The following PGLYRP2 variants were observed in gnomAD, a reference collection of about 807,000 sequenced individuals.
PGLYRP2 encodes the protein N-acetylmuramoyl-L-alanine amidase.
A neutral mutation model predicts 46.2 loss-of-function variants in PGLYRP2; 38 were observed. That is an observed-to-expected ratio of 0.82 (90% CI 0.64 to 1.08). The LOEUF (loss-of-function observed/expected upper bound fraction) is 1.08. PGLYRP2 is among the 50% of genes least tolerant of loss of function. The pLI, the probability that PGLYRP2 is intolerant of heterozygous loss-of-function variation, is 0.00. For missense variants in PGLYRP2, 713 were observed against 755.9 expected (o/e 0.94, Z 0.67); for synonymous variants, 289 against 329.4 (o/e 0.88, Z 1.33).
At chr19:15,471,795 C>A (rs754926642) in intron 3 of PGLYRP2, 95 bp downstream of exon 3, 172 of 1,385,096 alleles carry the variant, frequency 1.2e-4, no homozygotes, top group Non-Finnish European at 1.5e-4. Flanking sequence ...CAGCTTTCCT[C>A]GGGTTCAAGC....
At position 15,469,254 on chromosome 19, in the gene PGLYRP2, C is replaced by A; in HGVS notation, c.1641+378G>T. 2 of 600,224 alleles carry A rather than the reference C, an allele frequency of 3.3e-6. No homozygotes were observed. The highest frequency in any genetic ancestry group is 3.0e-6 in the Non-Finnish European group (1 of 335,474). 37.2% of individuals were successfully genotyped at this position (600,224 alleles called of 1,614,324 possible). A position where few individuals can be genotyped will look rare whatever the true frequency, so the allele number is the denominator to read the frequency against. On this transcript the variant is annotated intron_variant, in intron 4 of 4. Coordinates refer to ENST00000340880, the MANE Select transcript of PGLYRP2 (RefSeq NM_052890.4). This position sits in a 1 kb window ranked among gnomAD's most constrained non-coding sequence, Gnocchi z 4.9. ...GGCGGGCCAGGATGAGGTGGTGCAG[C>A]CTGACAGGTTGTGACTTGGGTAGAG...
intron 2 of PGLYRP2, among the ~76,000 whole-genome samples, chr19:15,474,204 G>A (rs144604970): frequency 2.4e-3 from 371 of 152,234 alleles, no homozygotes; most frequent in African/African-American, 8.7e-3. Context: ...GAGCATGGTG[G>A]CAGGCACCTG....
Position 15,475,547 on chromosome 19 carries a change from C to A in PGLYRP2, c.1123G>T (p.Ala375Ser). 1 of 1,597,294 alleles carries A rather than the reference C, an allele frequency of 6.3e-7. No individual in the cohort carries two copies. Among genetic ancestry groups the A allele is most frequent in the South Asian group, 1.1e-5 (1 of 89,070 alleles). The change falls in exon 2 of 5, where the codon GCC becomes TCC. Residue 375 changes from alanine to serine, a missense_variant. Ala to Ser is a moderately conservative substitution (Grantham distance 99, BLOSUM62 1). Transcript: ENST00000340880. Reference sequence around the variant, plus strand: ...TGGGGAACTTCCTCACCCAGGAAGGCCTCAGTGAATTCCTTGGTAGCATTG... The same window carrying A: ...TGGGGAACTTCCTCACCCAGGAAGGACTCAGTGAATTCCTTGGTAGCATTG... ...AANATKEFTE[A>S]FLGCPAIHPR...
Position 15,475,081 on chromosome 19 carries a change from G to A in PGLYRP2, c.1132+457C>T, listed in dbSNP as rs1198092439. On this transcript the variant is annotated intron_variant, in intron 2 of 4. Transcript: ENST00000340880. Reference sequence around the variant, plus strand: ...AGTCAAACACAGAAAGACAAATACCGTAAGTTCTCACTTATAAATGGGAGC... The same window carrying A: ...AGTCAAACACAGAAAGACAAATACCATAAGTTCTCACTTATAAATGGGAGC... 6.6e-5 allele frequency among the ~76,000 whole-genome samples: 10 copies of A among 152,220 alleles called. No individual in the cohort carries two copies. In the South Asian group the frequency reaches 1.2e-3, roughly 19 times the overall value.
At position 15,476,487 on chromosome 19, in the gene PGLYRP2, G is replaced by A. The variant is rs1970798634; in HGVS notation, c.183C>T (p.Gly61=). 4 of 1,614,070 alleles carry A rather than the reference G, an allele frequency of 2.5e-6. No individual in the cohort carries two copies. The African/African-American group carries it at 4.0e-5, about 16-fold the overall frequency. The change falls in exon 2 of 5, where the codon GGC becomes GGT. Residue 61 remains glycine, a synonymous_variant. Coordinates refer to ENST00000340880, the MANE Select transcript of PGLYRP2 (RefSeq NM_052890.4). ...SAWLMSAPNS[G]PHNRLYHFLL... ...GGAAGTGGTAGAGGCGATTGTGGGG[G>A]CCAGAGTTTGGAGCTGACATCAGCC...
At chr19:15,473,470 C>CAAAAAAAA (rs56053684) in intron 2 of PGLYRP2, among the ~76,000 whole-genome samples, 5 of 36,478 alleles carry the variant, frequency 1.4e-4, no homozygotes, top group East Asian at 2.4e-3. Flanking sequence ...AACTCTGTCT[C>CAAAAAAAA]AAAAAAAAAA....
Position 15,476,268 on chromosome 19 carries a change from C to T in PGLYRP2, c.402G>A (p.Gly134=), listed in dbSNP as rs1970794997. 1.9e-6 allele frequency: 3 copies of T among 1,614,202 alleles called. No individual in the cohort carries two copies. The East Asian group carries it at 6.7e-5, about 36-fold the overall frequency. ...LLAGLEAGLQ[G]RRVINLPLDS... ...CCAAGGGCAAATTTATGACCCTGCG[C>T]CCTTGCAGCCCTGCCTCCAGCCCCG... is the stretch of plus-strand genomic sequence containing the variant. The change falls in exon 2 of 5, where the codon GGG becomes GGA. Residue 134 remains glycine (G), a synonymous_variant. Transcript: ENST00000340880.
At chr19:15,470,647 T>C (rs1327775589) in intron 3 of PGLYRP2, among the ~76,000 whole-genome samples, 3 of 147,386 alleles carry the variant, frequency 2.0e-5, no homozygotes, top group African/African-American at 7.5e-5. Flanking sequence ...TTCCCTTCCC[T>C]TCCCTTCCCT....
rs1970790003 is a variant in PGLYRP2, at chr19:15,475,873, G to C, written c.797C>G (p.Ser266Cys). Residue 266 changes from serine (S) to cysteine (C), a missense_variant, in exon 2 of 5, where the codon TCT (serine) becomes TGT (cysteine). Coordinates refer to ENST00000340880, the MANE Select transcript of PGLYRP2 (RefSeq NM_052890.4). ...RTFTLLDPKA[S>C]LLTMAFLNGA... is the part of the protein sequence containing the mutation. The stretch of plus-strand genomic sequence containing the variant: ...ATTGAGGAAGGCCATGGTTAACAGA[G>C]ATGCCTTGGGGTCCAAAAGCGTAAA... The C allele has an allele frequency of 6.2e-7, 1 of 1,614,128 alleles. No homozygotes were observed. The highest frequency in any genetic ancestry group is 8.5e-7 in the Non-Finnish European group (1 of 1,180,030).
intron 2 of PGLYRP2, among the ~76,000 whole-genome samples, chr19:15,474,978 C>T (rs1456703902): frequency 1.7e-5 from 2 of 116,408 alleles, no homozygotes; most frequent in Admixed American, 1.7e-4. Flanking sequence ...CAGAGAGAGA[C>T]TCAAAAAAAA....
At chr19:15,470,022 G>A in intron 3 of PGLYRP2, 93 bp from the exon 4 acceptor site, 6 of 1,273,226 alleles carry the variant, frequency 4.7e-6, no homozygotes, top group Non-Finnish European at 6.0e-6. Flanking sequence ...GTGTGCCAAG[G>A]GCCACCGACC....
At chr19:15,474,082 C>T (rs920518361) in intron 2 of PGLYRP2, among the ~76,000 whole-genome samples, 12 of 152,024 alleles carry the variant, frequency 7.9e-5, no homozygotes, top group Non-Finnish European at 1.3e-4. Flanking sequence ...ACGACTGTAA[C>T]CCCAGCACTT....
At chr19:15,471,768 C>G in intron 3 of PGLYRP2, 122 bp downstream of exon 3, 1 of 1,159,926 alleles carries the variant, frequency 8.6e-7, no homozygotes, top group Non-Finnish European at 1.2e-6. Context: ...CCTATCAGGA[C>G]TCCTCCTTGG....
Position 15,469,160 on chromosome 19 carries a change from G to T in PGLYRP2, c.1642-408C>A, listed in dbSNP as rs1169051243. 4 of 570,268 alleles carry T rather than the reference G, an allele frequency of 7.0e-6. No individual in the cohort carries two copies. The highest frequency in any genetic ancestry group is 1.2e-5 in the Non-Finnish European group (4 of 320,492). 35.3% of individuals were successfully genotyped at this position (570,268 alleles called of 1,614,324 possible). A position where few individuals can be genotyped will look rare whatever the true frequency, so the allele number is the denominator to read the frequency against. ...TGGACAGAGGTTGTGAAGGCAAAAGGTCACAGCCTAGGTTCATGTTGTGTG... is the reference window on the plus strand; with the variant it reads ...TGGACAGAGGTTGTGAAGGCAAAAGTTCACAGCCTAGGTTCATGTTGTGTG... On this transcript the variant is annotated intron_variant, in intron 4 of 4. Transcript: ENST00000340880. The surrounding 1 kb of genome is among the most constrained non-coding windows in gnomAD (Gnocchi z 4.9).
intron 2 of PGLYRP2, among the ~76,000 whole-genome samples, chr19:15,473,324 G>T (rs182650827): frequency 2.3e-3 from 356 of 151,774 alleles, no homozygotes; most frequent in African/African-American, 8.4e-3. Context: ...ACAAAAATTA[G>T]CCGGGCATGG....
chr19:15,478,160 AACAT>A (rs1272317807), intron 1 of PGLYRP2, among the ~76,000 whole-genome samples: 1 of 152,208 alleles, frequency 6.6e-6, no homozygotes, highest in Non-Finnish European at 1.5e-5. Flanking sequence ...CAGCCTGGCC[AACAT>A]GGTGAAACCC....
intron 2 of PGLYRP2, among the ~76,000 whole-genome samples, chr19:15,474,613 C>T (rs1455815800): frequency 6.6e-6 from 1 of 151,954 alleles, no homozygotes; most frequent in Non-Finnish European, 1.5e-5. Flanking sequence ...GAAGGTCAGG[C>T]CCAGGTTTCC....
chr19:15,469,999 C>A lies in PGLYRP2; in HGVS notation c.1344-70G>T. 1 of 1,326,706 alleles carries A rather than the reference C, an allele frequency of 7.5e-7. No individual in the cohort carries two copies. The highest frequency in any genetic ancestry group is 2.0e-5 in the South Asian group (1 of 49,200). 82.2% of individuals were successfully genotyped at this position (1,326,706 alleles called of 1,614,324 possible). A position where few individuals can be genotyped will look rare whatever the true frequency, so the allele number is the denominator to read the frequency against. On this transcript the variant is annotated intron_variant, in intron 3 of 4. Transcript: ENST00000340880. This position sits in a 1 kb window ranked among gnomAD's most constrained non-coding sequence, Gnocchi z 4.9. ...ACCCGGGCCCTTATCCGCTCCCCTCCCCGATTCTGTTGGTGTGCCAAGGGC... is the reference window on the plus strand; with the variant it reads ...ACCCGGGCCCTTATCCGCTCCCCTCACCGATTCTGTTGGTGTGCCAAGGGC...
intron 2 of PGLYRP2, among the ~76,000 whole-genome samples, chr19:15,473,872 A>C (rs1316902476): frequency 6.6e-6 from 1 of 152,104 alleles, no homozygotes; most frequent in Non-Finnish European, 1.5e-5. Flanking sequence ...GAAAGAAAGA[A>C]AGAAACCCAC....
Sources: allele counts gnomAD v4.1 joint callset (sites outside exome capture counted in the v4.1 genomes callset), GRCh38; gene constraint gnomAD v4.1.1; non-coding constraint Gnocchi (gnomAD v3.1); transcripts MANE v1.5; gene names NCBI Gene and HGNC (gene_info 2026-07-23, HGNC 2026-07-21).